CSGALNACT1: variants seen among roughly 807,000 people sequenced by gnomAD.
CSGALNACT1 encodes the protein chondroitin sulfate N-acetylgalactosaminyltransferase 1.
CSGALNACT1 carries 52 observed loss-of-function variants against 51.0 expected under a neutral mutation model. The ratio of observed to expected loss-of-function variants is 1.02; its 90% CI spans 0.82 to 1.29. CSGALNACT1 has a LOEUF of 1.29. Ranked by LOEUF, CSGALNACT1 falls within the 50% of genes most tolerant of loss-of-function variation. CSGALNACT1 has a pLI of 0.00. For synonymous variants in CSGALNACT1, 341 were observed against 254.4 expected (o/e 1.34, Z -3.24); for missense variants, 935 against 679.2 (o/e 1.38, Z -4.19).
At chr8:19,636,162 G>C (rs555000720) in intron 1 of CSGALNACT1, among the ~76,000 whole-genome samples, 1 of 152,286 alleles carries the variant, frequency 6.6e-6, no homozygotes, top group South Asian at 2.1e-4. Flanking sequence ...CAGTAAACAG[G>C]CGAGTACAAT....
At chr8:19,609,039 G>C (rs1463007413) in intron 1 of CSGALNACT1, among the ~76,000 whole-genome samples, 1 of 152,002 alleles carries the variant, frequency 6.6e-6, no homozygotes, top group Non-Finnish European at 1.5e-5. Context: ...AGGGAATTGA[G>C]AACATACTGT....
chr8:19,680,784 C>T (rs1296227011), intron 1 of CSGALNACT1, among the ~76,000 whole-genome samples: 1 of 151,968 alleles, frequency 6.6e-6, no homozygotes, highest in Non-Finnish European at 1.5e-5. Context: ...CAAACCTACA[C>T]GGTATTAGGT....
chr8:19,590,937 C>T (rs1336736533), intron 3 of CSGALNACT1, among the ~76,000 whole-genome samples: 1 of 152,102 alleles, frequency 6.6e-6, no homozygotes, highest in Non-Finnish European at 1.5e-5. Flanking sequence ...AGGTGTGAGC[C>T]ACTATGCCCA....
intron 8 of CSGALNACT1, among the ~76,000 whole-genome samples, chr8:19,409,293 A>C (rs2055095862): frequency 6.6e-6 from 1 of 152,206 alleles, no homozygotes; most frequent in Admixed American, 6.5e-5. Context: ...CTAGAAGTCC[A>C]GCTTCTGAAG....
At chr8:19,540,520 A>G (rs1341226185) in intron 3 of CSGALNACT1, among the ~76,000 whole-genome samples, 2 of 152,232 alleles carry the variant, frequency 1.3e-5, no homozygotes, top group African/African-American at 4.8e-5. Flanking sequence ...CACTGGGATT[A>G]TAACTTAGCA....
intron 3 of CSGALNACT1, among the ~76,000 whole-genome samples, chr8:19,509,653 T>C (rs1402395583): frequency 7.6e-6 from 1 of 130,830 alleles, no homozygotes; most frequent in African/African-American, 2.8e-5. Context: ...AAAAAATGGG[T>C]GTCACCACCT....
At chr8:19,524,841 G>A (rs553394509) in intron 3 of CSGALNACT1, among the ~76,000 whole-genome samples, 11 of 152,166 alleles carry the variant, frequency 7.2e-5, no homozygotes, top group African/African-American at 2.7e-4. Flanking sequence ...ACAAAACAAG[G>A]TGTACCTTTA....
chr8:19,547,020 C>T (rs557252655), intron 3 of CSGALNACT1, among the ~76,000 whole-genome samples: 43 of 152,340 alleles, frequency 2.8e-4, no homozygotes, highest in Admixed American at 6.5e-4. Flanking sequence ...TCCAGAAACA[C>T]CGTCTGAGAA....
At position 19,547,908 on chromosome 8, in the gene CSGALNACT1, GC is replaced by G. The variant is rs2086868982; in HGVS notation, c.-296-41779del. On this transcript the variant is annotated intron_variant, in intron 3 of 9. Transcript: ENST00000454498. ...AGACCCTGAGGGATTTGGGTGTGTTGCCAGGGGGTTGGTAGTTATTGATGGG... is the reference window on the plus strand; with the variant it reads ...AGACCCTGAGGGATTTGGGTGTGTTGCAGGGGGTTGGTAGTTATTGATGGG... 2.6e-5 allele frequency among the ~76,000 whole-genome samples: 4 copies of G among 152,192 alleles called. No individual in the cohort carries two copies. The South Asian group carries it at 8.3e-4, about 31-fold the overall frequency.
At chr8:19,575,367 A>G (rs556714839) in intron 3 of CSGALNACT1, among the ~76,000 whole-genome samples, 3 of 152,230 alleles carry the variant, frequency 2.0e-5, no homozygotes, top group Admixed American at 2.0e-4. Flanking sequence ...TATATACAGC[A>G]CCACCTATTA....
At chr8:19,525,142 C>G (rs2081414989) in intron 3 of CSGALNACT1, among the ~76,000 whole-genome samples, 1 of 152,222 alleles carries the variant, frequency 6.6e-6, no homozygotes, top group African/African-American at 2.4e-5. Flanking sequence ...CAATATATAT[C>G]TGCCAGGCCT....
chr8:19,458,280 A>G (rs993068266), intron 5 of CSGALNACT1, 146 bp downstream of exon 4: 9 of 822,482 alleles, frequency 1.1e-5, no homozygotes, highest in Non-Finnish European at 1.7e-5. Flanking sequence ...AATACAAATG[A>G]TAAACTTTAC....
At chr8:19,609,074 G>A (rs933893223) in intron 1 of CSGALNACT1, among the ~76,000 whole-genome samples, 3 of 151,800 alleles carry the variant, frequency 2.0e-5, no homozygotes, top group Admixed American at 6.6e-5. Flanking sequence ...AAAGACTAAC[G>A]TTAACAGAAT....
intron 1 of CSGALNACT1, among the ~76,000 whole-genome samples, chr8:19,718,125 T>C (rs1265221880): frequency 6.6e-6 from 1 of 152,132 alleles, no homozygotes; most frequent in Non-Finnish European, 1.5e-5. Flanking sequence ...CAGAGTCTCA[T>C]GCTGTCACCC....
At chr8:19,725,358 T>C (rs576627001) in intron 1 of CSGALNACT1, among the ~76,000 whole-genome samples, 198 of 152,190 alleles carry the variant, frequency 1.3e-3, no homozygotes, top group Middle Eastern at 6.8e-3. Context: ...GTAAATAAGA[T>C]GGAACCCAAT....
chr8:19,720,301 C>T (rs970111037), intron 1 of CSGALNACT1, among the ~76,000 whole-genome samples: 9 of 152,126 alleles, frequency 5.9e-5, no homozygotes, highest in South Asian at 2.1e-4. Flanking sequence ...AAATAAGACG[C>T]GATCCCAGTC....
intron 3 of CSGALNACT1, among the ~76,000 whole-genome samples, chr8:19,582,071 T>A (rs989558888): frequency 6.6e-6 from 1 of 152,154 alleles, no homozygotes; most frequent in Non-Finnish European, 1.5e-5. Flanking sequence ...GGACAAAAAA[T>A]ATATAATTTA....
intron 3 of CSGALNACT1, among the ~76,000 whole-genome samples, chr8:19,509,302 C>T (rs964135525): frequency 4.6e-5 from 7 of 152,036 alleles, no homozygotes; most frequent in Non-Finnish European, 1.0e-4. Context: ...GTTTTTCCTT[C>T]GGTAGCACAA....
chr8:19,730,931 T>C (rs1374030968), intron 1 of CSGALNACT1, among the ~76,000 whole-genome samples: 1 of 152,160 alleles, frequency 6.6e-6, no homozygotes, highest in Non-Finnish European at 1.5e-5. Context: ...GCATTCTTCA[T>C]GCCACGAGGA....
Sources: gnomAD v4.1 joint callset for allele counts (sites outside exome capture counted in the v4.1 genomes callset) on GRCh38, gnomAD v4.1.1 for gene constraint, MANE v1.5 for transcripts, NCBI Gene and HGNC (gene_info 2026-07-23, HGNC 2026-07-21) for gene names.